PCDH11X: variants seen among roughly 807,000 people sequenced by gnomAD.
PCDH11X encodes the protein protocadherin 11 X-linked.
In PCDH11X, 18 loss-of-function variants were observed where a neutral mutation model predicts 53.3. The ratio of observed to expected loss-of-function variants is 0.34; its 90% CI spans 0.23 to 0.50. PCDH11X has a LOEUF of 0.50. Ranked by LOEUF, PCDH11X falls within the 20% of genes least tolerant of loss-of-function variation. The pLI, the probability that PCDH11X is intolerant of heterozygous loss-of-function variation, is 0.98. For synonymous variants in PCDH11X, 279 were observed against 393.3 expected (o/e 0.71, Z 3.44); for missense variants, 570 against 1,032.4 (o/e 0.55, Z 6.14).
At chrX:92,257,141 A>G (rs1480742838) in intron 7 of PCDH11X, among the ~76,000 whole-genome samples, 1 of 111,258 alleles carries the variant, frequency 9.0e-6, no homozygotes, top group African/African-American at 3.3e-5. Context: ...ATGGCCAGAA[A>G]AGGAGCAAGG....
intron 8 of PCDH11X, among the ~76,000 whole-genome samples, chrX:92,300,312 C>T (rs2755291): frequency 1.7e-4 from 19 of 111,101 alleles, no homozygotes; most frequent in South Asian, 7.7e-4. Flanking sequence ...ATAGATTCAT[C>T]GCTGGGATAC....
chrX:92,476,047 C>G (rs2073376040), intron 10 of PCDH11X, among the ~76,000 whole-genome samples: 1 of 111,192 alleles, frequency 9.0e-6, no homozygotes, highest in South Asian at 3.8e-4. Flanking sequence ...TGGGACGGAC[C>G]CAGAGGGAGG....
chrX:92,257,278 C>G (rs1249309637), intron 7 of PCDH11X, among the ~76,000 whole-genome samples: 1 of 111,332 alleles, frequency 9.0e-6, no homozygotes, highest in East Asian at 2.8e-4. Context: ...CCAGTCATCT[C>G]CCATCAGCCC....
chrX:92,436,972 G>GT (rs1256762536), intron 9 of PCDH11X, among the ~76,000 whole-genome samples: 20 of 49,056 alleles, frequency 4.1e-4, no homozygotes, highest in South Asian at 2.5e-3. Flanking sequence ...AAAATAAAAG[G>GT]TAAAAAAAAA....
intron 6 of PCDH11X, among the ~76,000 whole-genome samples, chrX:91,891,584 T>C (rs1940473663): frequency 9.6e-6 from 1 of 103,777 alleles, no homozygotes. Context: ...CGTTTTATTG[T>C]ATTAACATTT....
intron 9 of PCDH11X, among the ~76,000 whole-genome samples, chrX:92,403,400 T>TG: frequency 1.0e-5 from 1 of 96,386 alleles, no homozygotes; most frequent in Non-Finnish European, 2.0e-5. Context: ...GCATATCTCC[T>TG]GGGGGTTTAA....
chrX:92,006,397 T>C (rs1433024567), intron 6 of PCDH11X, among the ~76,000 whole-genome samples: 1 of 106,628 alleles, frequency 9.4e-6, no homozygotes, highest in African/African-American at 3.4e-5. Flanking sequence ...TAAAGGATGA[T>C]GATGCATTAT....
chrX:92,615,631 C>T (rs1022428855), intron 10 of PCDH11X, among the ~76,000 whole-genome samples: 25 of 110,533 alleles, frequency 2.3e-4, no homozygotes, highest in Non-Finnish European at 3.8e-4. Flanking sequence ...GATTAAAATA[C>T]CTGCATGGCC....
intron 10 of PCDH11X, among the ~76,000 whole-genome samples, chrX:92,605,484 A>C (rs1926691005): frequency 9.0e-6 from 1 of 111,555 alleles, no homozygotes; most frequent in South Asian, 3.7e-4. Context: ...AGGCAAAAAA[A>C]ATAAATAAAT....
At position 92,307,740 on chromosome X, in the gene PCDH11X, ATTAT is replaced by A. The variant is rs1282508286; in HGVS notation, c.3144+44601_3144+44604del. Among the ~76,000 whole-genome samples, 112 of 98,636 alleles carry A rather than the reference ATTAT, an allele frequency of 1.1e-3. 1 individual carries two copies. The highest frequency in any genetic ancestry group is 3.9e-3 in the African/African-American group (106 of 27,490). 85.7% of individuals were successfully genotyped at this position (98,636 alleles called of 115,157 possible). A position where few individuals can be genotyped will look rare whatever the true frequency, so the allele number is the denominator to read the frequency against. On this transcript the variant is annotated intron_variant, in intron 8 of 10. Coordinates refer to ENST00000682573, the MANE Select transcript of PCDH11X (RefSeq NM_032968.5). ...TGAAGGTCTCATGGCAATCATAACA[ATTAT>A]TTAAGTGCCTCAAGTTGTGAAAGTT...
intron 7 of PCDH11X, among the ~76,000 whole-genome samples, chrX:92,256,744 T>A (rs1271179066): frequency 9.1e-6 from 1 of 110,224 alleles, no homozygotes; most frequent in African/African-American, 3.3e-5. Flanking sequence ...CCCCCATATG[T>A]GTTGTTCCAC....
chrX:92,098,636 C>CTTTT lies in PCDH11X; in HGVS notation c.3034-102716_3034-102713dup, dbSNP rs34306564. 7.9e-3 allele frequency among the ~76,000 whole-genome samples: 345 copies of CTTTT among 43,914 alleles called. 26 individuals carry two copies. The highest frequency in any genetic ancestry group is 0.032 in the African/African-American group (326 of 10,322). 38.1% of individuals were successfully genotyped at this position (43,914 alleles called of 115,157 possible). ...CTTGTCCAGTGAAGCTCCAAATGCT[C>CTTTT]TTTTTTTTTTTTTTTTTTTTTTTTT... On this transcript the variant is annotated intron_variant, in intron 6 of 10. Transcript: ENST00000682573.
intron 7 of PCDH11X, among the ~76,000 whole-genome samples, chrX:92,250,108 C>T (rs780477708): frequency 6.3e-5 from 7 of 111,561 alleles, no homozygotes; most frequent in Admixed American, 1.9e-4. Context: ...AGTAATTTTT[C>T]AACCCTTTGA....
intron 9 of PCDH11X, among the ~76,000 whole-genome samples, chrX:92,466,046 T>C (rs1261856949): frequency 1.8e-5 from 2 of 111,505 alleles, no homozygotes; most frequent in Non-Finnish European, 3.8e-5. Flanking sequence ...AATCACAGAA[T>C]ATTTAATAGC....
At chrX:92,031,762 T>C (rs2063054198) in intron 6 of PCDH11X, among the ~76,000 whole-genome samples, 1 of 111,435 alleles carries the variant, frequency 9.0e-6, no homozygotes, top group Non-Finnish European at 1.9e-5. Context: ...GAGTATGTTC[T>C]TGGCACCTTT....
At chrX:92,227,059 A>G (rs1047000511) in intron 7 of PCDH11X, among the ~76,000 whole-genome samples, 10 of 111,737 alleles carry the variant, frequency 8.9e-5, no homozygotes, top group African/African-American at 6.5e-5. Context: ...CATTCTGAGC[A>G]TTAGCAAGTT....
In PCDH11X at chrX:92,619,195, C is replaced by T; in HGVS notation, c.*255C>T. The T allele has an allele frequency of 2.4e-6, 1 of 416,696 alleles. No homozygotes were observed. The highest frequency in any genetic ancestry group is 4.2e-6 in the Non-Finnish European group (1 of 239,786). The allele number at this position is 416,696 out of a possible 1,213,427, so 34.3% of individuals were successfully genotyped here. A position where few individuals can be genotyped will look rare whatever the true frequency, so the allele number is the denominator to read the frequency against. On this transcript the variant is annotated 3_prime_UTR_variant, in exon 11 of 11. Coordinates refer to ENST00000682573, the MANE Select transcript of PCDH11X (RefSeq NM_032968.5). ...CCTTGTACAGTAAGGCTTATCATGA[C>T]AGAGCGCACTATTTCTGATGTACAG...
chrX:92,418,354 A>T (rs973068296), intron 9 of PCDH11X, among the ~76,000 whole-genome samples: 1 of 111,362 alleles, frequency 9.0e-6, no homozygotes, highest in Non-Finnish European at 1.9e-5. Context: ...TGTATCATGC[A>T]GTCTTTTTCC....
chrX:92,553,091 G>A (rs2074988648), intron 10 of PCDH11X, among the ~76,000 whole-genome samples: 1 of 106,800 alleles, frequency 9.4e-6, no homozygotes, highest in Admixed American at 1.0e-4. Flanking sequence ...CTCATAGAAT[G>A]AATTTGAAAG....
Sources: allele counts gnomAD v4.1 joint callset (sites outside exome capture counted in the v4.1 genomes callset), GRCh38; gene constraint gnomAD v4.1.1; transcripts MANE v1.5; gene names NCBI Gene and HGNC (gene_info 2026-07-23, HGNC 2026-07-21).